The following KIAA1328 variants were observed in gnomAD, a reference collection of about 807,000 sequenced individuals.
KIAA1328 encodes KIAA1328.
KIAA1328 carries 52 observed loss-of-function variants against 68.1 expected under a neutral mutation model. The observed-to-expected ratio is 0.76, with a 90% CI of 0.61 to 0.96. The LOEUF (loss-of-function observed/expected upper bound fraction) is 0.96. KIAA1328 is among the 40% of genes least tolerant of loss of function. KIAA1328 has a pLI of 0.00. For missense variants in KIAA1328, 641 were observed against 677.6 expected (o/e 0.95, Z 0.60); for synonymous variants, 232 against 239.4 (o/e 0.97, Z 0.28).
chr18:37,183,549 C>A (rs2059737790), intron 9 of KIAA1328, among the ~76,000 whole-genome samples: 1 of 152,178 alleles, frequency 6.6e-6, no homozygotes, highest in Non-Finnish European at 1.5e-5. Context: ...TTTCTGTCCC[C>A]TACCCAAGCC....
intron 6 of KIAA1328, among the ~76,000 whole-genome samples, chr18:37,059,106 A>T (rs576441092): frequency 3.3e-5 from 5 of 152,226 alleles, no homozygotes; most frequent in Admixed American, 6.5e-5. Context: ...TGTTGATGTG[A>T]CCTTGGGAAA....
chr18:36,944,915 G>A (rs1178358172), intron 5 of KIAA1328, among the ~76,000 whole-genome samples: 1 of 152,162 alleles, frequency 6.6e-6, no homozygotes, highest in Non-Finnish European at 1.5e-5. Context: ...CTGGAACTGA[G>A]GAAACAGAGA....
intron 6 of KIAA1328, among the ~76,000 whole-genome samples, chr18:37,008,678 A>C (rs1276111452): frequency 6.6e-6 from 1 of 152,238 alleles, no homozygotes; most frequent in African/African-American, 2.4e-5. Flanking sequence ...ATTAATGGAT[A>C]GAAGTTCTCA....
At chr18:37,104,540 T>G (rs1254760899) in intron 7 of KIAA1328, among the ~76,000 whole-genome samples, 12 of 152,112 alleles carry the variant, frequency 7.9e-5, no homozygotes, top group Non-Finnish European at 2.9e-5. Flanking sequence ...GATTGATGAA[T>G]GGGTACAAAC....
At chr18:36,834,136 C>A in intron 1 of KIAA1328, 184 bp from the exon 2 acceptor site, 1 of 965,004 alleles carries the variant, frequency 1.0e-6, no homozygotes, top group Non-Finnish European at 1.4e-6. Flanking sequence ...ACATTTAATT[C>A]AATTACTTTG....
chr18:36,892,942 T>C (rs1338975447), intron 5 of KIAA1328, among the ~76,000 whole-genome samples: 1 of 152,154 alleles, frequency 6.6e-6, no homozygotes, highest in Non-Finnish European at 1.5e-5. Context: ...AATTATATGC[T>C]CACTATTGGG....
intron 7 of KIAA1328, among the ~76,000 whole-genome samples, chr18:37,156,763 T>C (rs774612679): frequency 1.6e-4 from 25 of 152,192 alleles, no homozygotes; most frequent in Admixed American, 1.1e-3. Context: ...AGATACTGGA[T>C]TGCTTTAGCA....
At chr18:36,888,869 G>A (rs1027973407) in intron 5 of KIAA1328, among the ~76,000 whole-genome samples, 1 of 152,052 alleles carries the variant, frequency 6.6e-6, no homozygotes, top group African/African-American at 2.4e-5. Context: ...CATGAAATCA[G>A]ATAATTTCAG....
intron 7 of KIAA1328, among the ~76,000 whole-genome samples, chr18:37,110,049 G>GT (rs1568418253): frequency 1.4e-5 from 2 of 144,818 alleles, no homozygotes; most frequent in East Asian, 2.0e-4. Context: ...ATGTCAGCTG[G>GT]TTAAAAAAAA....
intron 4 of KIAA1328, among the ~76,000 whole-genome samples, chr18:36,859,591 C>T (rs2047493282): frequency 6.9e-6 from 1 of 145,240 alleles, no homozygotes; most frequent in African/African-American, 2.5e-5. Flanking sequence ...CATTCTCTCA[C>T]TCTCACTCTC....
intron 6 of KIAA1328, among the ~76,000 whole-genome samples, chr18:37,031,092 T>C (rs1463810592): frequency 6.6e-6 from 1 of 152,220 alleles, no homozygotes; most frequent in African/African-American, 2.4e-5. Flanking sequence ...TTGATGGACA[T>C]TTTGGTTGGT....
intron 7 of KIAA1328, among the ~76,000 whole-genome samples, chr18:37,094,042 G>A (rs2057336200): frequency 6.6e-6 from 1 of 152,228 alleles, no homozygotes; most frequent in Non-Finnish European, 1.5e-5. Context: ...AGGGTGTGGG[G>A]AGGATGGTTT....
intron 4 of KIAA1328, among the ~76,000 whole-genome samples, chr18:36,863,590 A>G (rs900196336): frequency 6.6e-6 from 1 of 152,194 alleles, no homozygotes; most frequent in African/African-American, 2.4e-5. Context: ...ACATTAAACT[A>G]TAGATCAAAT....
intron 4 of KIAA1328, among the ~76,000 whole-genome samples, chr18:36,877,816 G>A (rs570355103): frequency 4.6e-5 from 7 of 151,766 alleles, no homozygotes; most frequent in South Asian, 2.1e-4. Flanking sequence ...ACAGGCGCCC[G>A]CCACAATGGC....
At position 37,066,917 on chromosome 18, in the gene KIAA1328, T is replaced by C. The variant is rs780489491; in HGVS notation, c.604T>C (p.Cys202Arg). ...QVSSRKSTLQ[C>R]SSVELDGSYL... ...ATCCAGTAGAAAAAGCACTCTCCAGTGTTCATCTGTGGAACTGGATGGTTC... is the reference window on the plus strand; with the variant it reads ...ATCCAGTAGAAAAAGCACTCTCCAGCGTTCATCTGTGGAACTGGATGGTTC... Residue 202 changes from cysteine to arginine, a missense_variant, in exon 7 of 10, where the codon TGT becomes CGT. Transcript: ENST00000280020. 1.2e-6 allele frequency: 2 copies of C among 1,605,710 alleles called. No individual in the cohort carries two copies. Among genetic ancestry groups the C allele is most frequent in the East Asian group, 4.5e-5 (2 of 44,736 alleles).
intron 7 of KIAA1328, among the ~76,000 whole-genome samples, chr18:37,101,157 G>C (rs963865239): frequency 6.6e-6 from 1 of 152,186 alleles, no homozygotes; most frequent in African/African-American, 2.4e-5. Context: ...ACAGAACAAA[G>C]CTGGATGATG....
intron 5 of KIAA1328, 82 bp from the exon 6 acceptor site, chr18:36,959,225 GT>G: frequency 3.1e-6 from 4 of 1,305,508 alleles, no homozygotes; most frequent in Non-Finnish European, 3.1e-6. Flanking sequence ...GTTCTGTTTT[GT>G]TTATTGGAAT....
rs1477567031 is a variant in KIAA1328, at chr18:37,217,690, A to G, written c.1524-4327A>G. ...GGAGTATCTTTGTGGTGTTCTCTGT[A>G]TTTCCTGAATTTGAATGTTGGCCTG... On this transcript the variant is annotated intron_variant, in intron 9 of 9. Coordinates refer to ENST00000280020, the MANE Select transcript of KIAA1328 (RefSeq NM_020776.3). Among the ~76,000 whole-genome samples the G allele has an allele frequency of 5.3e-5, 8 of 152,012 alleles. No homozygotes were observed. In the East Asian group the frequency reaches 1.5e-3, roughly 29 times the overall value.
At chr18:36,940,663 T>C (rs538091681) in intron 5 of KIAA1328, among the ~76,000 whole-genome samples, 2 of 150,806 alleles carry the variant, frequency 1.3e-5, no homozygotes, top group African/African-American at 4.9e-5. Flanking sequence ...GTAAATAGAG[T>C]GCTCATTTTA....
Sources: gnomAD v4.1 joint callset for allele counts (sites outside exome capture counted in the v4.1 genomes callset) on GRCh38, gnomAD v4.1.1 for gene constraint, MANE v1.5 for transcripts, NCBI Gene and HGNC (gene_info 2026-07-23, HGNC 2026-07-21) for gene names.